Variants in GNRHR observed in about 807,000 individuals in gnomAD.
GNRHR encodes gonadotropin releasing hormone receptor, also known as gonadotropin-releasing hormone receptor.
A neutral mutation model predicts 28.1 loss-of-function variants in GNRHR; 14 were observed. The observed-to-expected ratio is 0.50, with a 90% CI of 0.33 to 0.78. The LOEUF (loss-of-function observed/expected upper bound fraction) is 0.78. Among genes scored for constraint, GNRHR ranks in the 30% least tolerant of loss-of-function variants. The pLI is 0.02. For missense variants in GNRHR, 366 were observed against 382.1 expected, an observed-to-expected ratio of 0.96 and a Z score of 0.35; for synonymous variants, 141 against 140.5, an observed-to-expected ratio of 1.00 and a Z score of -0.02.
chr4:67,752,639 A>T (rs1240143957), intron 1 of GNRHR, among the ~76,000 whole-genome samples: 1 of 151,034 alleles, frequency 6.6e-6, no homozygotes, highest in Non-Finnish European at 1.5e-5. Context: ...AATAAATCAT[A>T]TATTTTTCTT....
rs1435753504 is a variant in GNRHR at position 67,738,610 on chromosome 4, A to T, written c.*1870T>A. Among the ~76,000 whole-genome samples the T allele has an allele frequency of 2.6e-5, 4 of 152,000 alleles. No individual in the cohort carries two copies. Among genetic ancestry groups the T allele is most frequent in the African/African-American group, 9.7e-5 (4 of 41,434 alleles). ...TTTGATTTTAAATCCAGAAGTAAGA[A>T]TTATCAGTTTAGGAATAAGTATATG... On this transcript the variant is annotated 3_prime_UTR_variant, in exon 3 of 3. Transcript: ENST00000226413.
intron 1 of GNRHR, among the ~76,000 whole-genome samples, chr4:67,749,757 C>T (rs1314140059): frequency 6.6e-6 from 1 of 151,704 alleles, no homozygotes; most frequent in Admixed American, 6.6e-5. Context: ...TACGATACCT[C>T]CAAGACTTGA....
chr4:67,744,575 G>A lies in GNRHR; in HGVS notation c.735C>T (p.Asp245=). Residue 245 remains aspartate, a synonymous_variant, in exon 2 of 3, where the codon GAC becomes GAT. Transcript: ENST00000226413. ...ACTCTAAGGAATACATACCGTGGGG[G>A]TCCTGATGAAGGACCCGTGTCAGGG... is the stretch of plus-strand genomic sequence containing the variant. ...IFTLTRVLHQ[D]PHELQLNQSK... The A allele has an allele frequency of 6.3e-7, 1 of 1,578,822 alleles. No homozygotes were observed. The highest frequency in any genetic ancestry group is 8.7e-7 in the Non-Finnish European group (1 of 1,147,656).
At chr4:67,742,830 T>C (rs1731684258) in intron 2 of GNRHR, among the ~76,000 whole-genome samples, 1 of 152,208 alleles carries the variant, frequency 6.6e-6, no homozygotes, top group African/African-American at 2.4e-5. Flanking sequence ...GGTGTTTTAA[T>C]TATAAAATTA....
Position 67,753,885 on chromosome 4 carries a change from T to A in GNRHR, c.451A>T (p.Ser151Cys), listed in dbSNP as rs754885477. Residue 151 changes from serine to cysteine, a missense_variant, in exon 1 of 3, where the codon AGC becomes TGC. Coordinates refer to ENST00000226413, the MANE Select transcript of GNRHR (RefSeq NM_000406.3). Reference sequence around the variant, plus strand: ...ATGGACTGTCCGACTTTGCTGTTGCTTTTCAAAGCTAGGGGCCTCGTGATA... The same window carrying A: ...ATGGACTGTCCGACTTTGCTGTTGCATTTCAAAGCTAGGGGCCTCGTGATA... ...LAITRPLALK[S>C]NSKVGQSMVG... is the part of the protein sequence containing the mutation. 4.3e-6 allele frequency: 7 copies of A among 1,613,986 alleles called. No homozygotes were observed. In the South Asian group the frequency reaches 6.6e-5, roughly 15 times the overall value.
intron 1 of GNRHR, among the ~76,000 whole-genome samples, chr4:67,752,086 C>G (rs917760769): frequency 1.1e-4 from 17 of 152,170 alleles, no homozygotes; most frequent in African/African-American, 4.1e-4. Context: ...CTTTTACTAT[C>G]TATTCTCTTT....
At chr4:67,745,310 A>C (rs1731735411) in intron 1 of GNRHR, among the ~76,000 whole-genome samples, 2 of 152,044 alleles carry the variant, frequency 1.3e-5, no homozygotes, top group Admixed American at 6.6e-5. Context: ...CAAACAAAAC[A>C]ACCCAGGAAC....
rs200176056 is a variant in GNRHR, at chr4:67,754,071, A to G, written c.265T>C (p.Leu89=). The G allele has an allele frequency of 1.9e-6, 3 of 1,614,210 alleles. No homozygotes were observed. Among genetic ancestry groups the G allele is most frequent in the East Asian group, 4.5e-5 (2 of 44,888 alleles). ...AGTGGCATGACAATCAGAGTCTCCA[A>G]CAGGTTGGCTAAGGTCAGATGTTTT... ...LLKHLTLANL[L]ETLIVMPLDG... Residue 89 remains leucine (L), a synonymous_variant, in exon 1 of 3, where the codon TTG becomes CTG. Transcript: ENST00000226413.
intron 2 of GNRHR, among the ~76,000 whole-genome samples, chr4:67,742,563 C>A (rs1191150197): frequency 6.6e-6 from 1 of 152,188 alleles, no homozygotes. Flanking sequence ...AATGGAATTG[C>A]TGACTTTTTA....
chr4:67,752,354 G>A (rs1384383187), intron 1 of GNRHR, among the ~76,000 whole-genome samples: 1 of 151,416 alleles, frequency 6.6e-6, no homozygotes, highest in African/African-American at 2.4e-5. Context: ...TGGGACCACA[G>A]GTGCGGGTCA....
Position 67,754,161 on chromosome 4 carries a change from T to G in GNRHR, c.175A>C (p.Lys59Gln), listed in dbSNP as rs755282071. The G allele has an allele frequency of 1.9e-6, 3 of 1,613,988 alleles. No homozygotes were observed. In the South Asian group the frequency reaches 3.3e-5, roughly 18 times the overall value. The stretch of plus-strand genomic sequence containing the variant: ...TTCTTCTGTGTCCACTTCTGAAGTT[T>G]CAACAAGAAAGAAGCATTAAAGGTC... ...SATFNASFLL[K>Q]LQKWTQKKEK... The change falls in exon 1 of 3, where the codon AAA (lysine) becomes CAA (glutamine). Residue 59 changes from lysine (K) to glutamine (Q), a missense_variant. By Grantham distance (53) the Lys-to-Gln change is moderately conservative. Coordinates refer to ENST00000226413, the MANE Select transcript of GNRHR (RefSeq NM_000406.3).
chr4:67,748,192 A>C (rs12513347), intron 1 of GNRHR, among the ~76,000 whole-genome samples: 2 of 151,974 alleles, frequency 1.3e-5, no homozygotes, highest in African/African-American at 4.8e-5. Flanking sequence ...TATCTTTAAC[A>C]CTCACCTTAC....
At position 67,744,217 on chromosome 4, in the gene GNRHR, T is replaced by C. The variant is rs1731713999; in HGVS notation, c.742+351A>G. ...ACTTTAGCTAATTTATTGGATAGCA[T>C]TTAACAAGTTGTACTTTGCTATAGT... On this transcript the variant is annotated intron_variant, in intron 2 of 2. Coordinates refer to ENST00000226413, the MANE Select transcript of GNRHR (RefSeq NM_000406.3). 3.9e-5 allele frequency among the ~76,000 whole-genome samples: 6 copies of C among 152,356 alleles called. No homozygotes were observed. The South Asian group carries it at 1.2e-3, about 32-fold the overall frequency.
intron 1 of GNRHR, among the ~76,000 whole-genome samples, chr4:67,751,980 T>C (rs911768515): frequency 1.3e-5 from 2 of 152,182 alleles, no homozygotes; most frequent in African/African-American, 4.8e-5. Context: ...TTTTAATTCC[T>C]AGGCTAAAAA....
intron 2 of GNRHR, among the ~76,000 whole-genome samples, chr4:67,743,511 C>G (rs1240794850): frequency 1.3e-5 from 2 of 152,130 alleles, no homozygotes; most frequent in East Asian, 3.8e-4. Flanking sequence ...GGTATCCCCA[C>G]CTAGCACAGT....
chr4:67,754,310 T>C lies in GNRHR; in HGVS notation c.26A>G (p.Gln9Arg), dbSNP rs898395828. Residue 9 changes from glutamine to arginine, a missense_variant, in exon 1 of 3, where the codon CAG (glutamine) becomes CGG (arginine). Transcript: ENST00000226413. MANSASPE[Q>R]NQNHCSAINN... ...GATGGCTGAACAGTGATTTTGATTCTGTTCAGGAGAGGCACTGTTTGCCAT... is the reference window on the plus strand; with the variant it reads ...GATGGCTGAACAGTGATTTTGATTCCGTTCAGGAGAGGCACTGTTTGCCAT... The C allele has an allele frequency of 1.2e-6, 2 of 1,611,966 alleles. No individual in the cohort carries two copies. The highest frequency in any genetic ancestry group is 3.3e-5 in the Admixed American group (2 of 60,016).
At chr4:67,749,125 A>G (rs1013945322) in intron 1 of GNRHR, among the ~76,000 whole-genome samples, 5 of 152,104 alleles carry the variant, frequency 3.3e-5, no homozygotes, top group African/African-American at 9.7e-5. Context: ...GCACAGTACT[A>G]TGTTGTAGCA....
chr4:67,744,660 C>A lies in GNRHR; in HGVS notation c.650G>T (p.Ser217Ile). 1.9e-6 allele frequency: 3 copies of A among 1,613,110 alleles called. No homozygotes were observed. The highest frequency in any genetic ancestry group is 2.5e-6 in the Non-Finnish European group (3 of 1,179,082). ...GAAAAGAGGGATGATGAAGAGGCAG[C>A]TGAAGGTGAAAAAGTTATAAAATGC... ...HQAFYNFFTF[S>I]CLFIIPLFIM... is the part of the protein sequence containing the mutation. The change falls in exon 2 of 3, where the codon AGC becomes ATC. Residue 217 changes from serine (S) to isoleucine (I), a missense_variant. By Grantham distance (142) the Ser-to-Ile change is moderately radical. Transcript: ENST00000226413.
At chr4:67,741,121 T>C (rs2109981592) in intron 2 of GNRHR, among the ~76,000 whole-genome samples, 1 of 152,250 alleles carries the variant, frequency 6.6e-6, no homozygotes, top group South Asian at 2.1e-4. Flanking sequence ...TCTTTGGTGG[T>C]GAGTTCTGAG....
Sources: gnomAD v4.1 joint callset for allele counts (sites outside exome capture counted in the v4.1 genomes callset) on GRCh38, gnomAD v4.1.1 for gene constraint, MANE v1.5 for transcripts, NCBI Gene and HGNC (gene_info 2026-07-23, HGNC 2026-07-21) for gene names.